The following DNM3 variants were observed in gnomAD, a reference collection of about 807,000 sequenced individuals.
DNM3 encodes the protein dynamin 3.
Under a neutral mutation model 101.6 loss-of-function variants are expected in DNM3, and 47 were observed. The observed-to-expected ratio is 0.46, with a 90% CI of 0.37 to 0.59. The LOEUF (loss-of-function observed/expected upper bound fraction) is 0.59, where lower values mean the gene tolerates loss of function less well. Among genes scored for constraint, DNM3 ranks in the 20% least tolerant of loss-of-function variants. The pLI is 0.00. For synonymous variants in DNM3, 385 were observed against 387.9 expected (o/e 0.99, Z 0.09); for missense variants, 849 against 1,085.7 (o/e 0.78, Z 3.06).
intron 10 of DNM3, among the ~76,000 whole-genome samples, chr1:172,051,380 A>G (rs548421826): frequency 6.6e-6 from 1 of 152,040 alleles, no homozygotes; most frequent in African/African-American, 2.4e-5. Context: ...TCCTCTCCAT[A>G]CCCAATTCAC....
intron 15 of DNM3, among the ~76,000 whole-genome samples, chr1:172,273,206 C>T (rs1266035339): frequency 6.6e-6 from 1 of 151,908 alleles, no homozygotes; most frequent in Admixed American, 6.6e-5. Flanking sequence ...TGCCTTCCTT[C>T]TAGGAGTCAG....
At chr1:172,370,871 A>G (rs2149036004) in intron 17 of DNM3, among the ~76,000 whole-genome samples, 2 of 152,034 alleles carry the variant, frequency 1.3e-5, no homozygotes, top group Middle Eastern at 6.8e-3. Flanking sequence ...ACTGTTAATT[A>G]TTTTCTTTGT....
intron 4 of DNM3, among the ~76,000 whole-genome samples, chr1:172,027,199 A>C (rs1416064354): frequency 1.3e-5 from 2 of 152,210 alleles, no homozygotes; most frequent in Non-Finnish European, 2.9e-5. Context: ...TTACAGGCAA[A>C]ATAGCCAGCT....
chr1:172,339,845 A>C (rs958366168), intron 17 of DNM3, among the ~76,000 whole-genome samples: 2 of 152,222 alleles, frequency 1.3e-5, no homozygotes, highest in African/African-American at 4.8e-5. Context: ...TAAGGAGCTC[A>C]CTATAGAACA....
chr1:172,222,753 T>TAGAA (rs1306935175), intron 14 of DNM3, among the ~76,000 whole-genome samples: 1 of 152,072 alleles, frequency 6.6e-6, no homozygotes, highest in Admixed American at 6.6e-5. Flanking sequence ...TTGAACTAAA[T>TAGAA]AGAACATTAA....
At chr1:171,918,933 A>C (rs1265244854) in intron 1 of DNM3, among the ~76,000 whole-genome samples, 1 of 152,226 alleles carries the variant, frequency 6.6e-6, no homozygotes, top group Non-Finnish European at 1.5e-5. Flanking sequence ...AGGTCTCAGC[A>C]TGAAGATATA....
At chr1:172,098,394 T>C (rs939563443) in intron 13 of DNM3, among the ~76,000 whole-genome samples, 6 of 152,152 alleles carry the variant, frequency 3.9e-5, no homozygotes, top group African/African-American at 1.2e-4. Flanking sequence ...GCAGTCAGAG[T>C]TTAAGGTTAT....
At position 171,880,675 on chromosome 1, in the gene DNM3, C is replaced by T. The variant is rs528595133; in HGVS notation, c.161+38858C>T. Among the ~76,000 whole-genome samples the T allele has an allele frequency of 5.3e-5, 8 of 152,128 alleles. No individual in the cohort carries two copies. The South Asian group carries it at 6.2e-4, about 12-fold the overall frequency. On this transcript the variant is annotated intron_variant, in intron 1 of 20. Transcript: ENST00000627582. Reference sequence around the variant, plus strand: ...TAGAAAACAATATGTAGAGTGTTTCCTGCAATATTTTCATGAAAAATATAT... The same window carrying T: ...TAGAAAACAATATGTAGAGTGTTTCTTGCAATATTTTCATGAAAAATATAT...
Position 172,410,688 on chromosome 1 carries a change from T to A in DNM3, c.*2847T>A, listed in dbSNP as rs945689745. Reference sequence around the variant, plus strand: ...CGTGTTTTATAACATAGACGAGCAGTAGGGTCTGTTTATTAGCAAATTTCC... The same window carrying A: ...CGTGTTTTATAACATAGACGAGCAGAAGGGTCTGTTTATTAGCAAATTTCC... On this transcript the variant is annotated 3_prime_UTR_variant, in exon 21 of 21. Coordinates refer to ENST00000627582, the MANE Select transcript of DNM3 (RefSeq NM_015569.5). 1 of 985,316 alleles carries A rather than the reference T, an allele frequency of 1.0e-6. No individual in the cohort carries two copies. Among genetic ancestry groups the A allele is most frequent in the Non-Finnish European group, 1.2e-6 (1 of 829,832 alleles). 61.0% of individuals were successfully genotyped at this position (985,316 alleles called of 1,614,324 possible).
At chr1:171,913,604 G>C (rs548332856) in intron 1 of DNM3, among the ~76,000 whole-genome samples, 2 of 152,316 alleles carry the variant, frequency 1.3e-5, no homozygotes, top group South Asian at 4.1e-4. Context: ...ATTGTGTTCA[G>C]GGTGTGGAAC....
intron 13 of DNM3, among the ~76,000 whole-genome samples, chr1:172,101,072 A>G (rs1159129016): frequency 1.3e-5 from 2 of 152,246 alleles, no homozygotes; most frequent in Admixed American, 6.5e-5. Flanking sequence ...TCACCAGAAC[A>G]CATGGGCTGC....
intron 2 of DNM3, among the ~76,000 whole-genome samples, chr1:171,923,945 T>C (rs2040367011): frequency 6.6e-6 from 1 of 152,176 alleles, no homozygotes; most frequent in East Asian, 1.9e-4. Flanking sequence ...TTTTATTTCC[T>C]ATTTCTGTTA....
chr1:171,878,336 A>C (rs2035960931), intron 1 of DNM3, among the ~76,000 whole-genome samples: 1 of 151,108 alleles, frequency 6.6e-6, no homozygotes, highest in South Asian at 2.1e-4. Flanking sequence ...TTAATAAGGT[A>C]CTTTGTACAA....
In DNM3 at chr1:171,841,622, G is replaced by T; in HGVS notation, c.-35G>T. 1.3e-6 allele frequency: 2 copies of T among 1,592,874 alleles called. No homozygotes were observed. Among genetic ancestry groups the T allele is most frequent in the South Asian group, 1.1e-5 (1 of 87,548 alleles). On this transcript the variant is annotated 5_prime_UTR_variant, in exon 1 of 21. Coordinates refer to ENST00000627582, the MANE Select transcript of DNM3 (RefSeq NM_015569.5). Reference sequence around the variant, plus strand: ...ACTCCCTGTCAGGTCGTAGAGGCGAGCAGGGACCAGCTGGTCGCCGGCCCC... The same window carrying T: ...ACTCCCTGTCAGGTCGTAGAGGCGATCAGGGACCAGCTGGTCGCCGGCCCC...
chr1:171,983,852 G>A (rs1445194998), intron 2 of DNM3, among the ~76,000 whole-genome samples: 2 of 152,096 alleles, frequency 1.3e-5, no homozygotes, highest in African/African-American at 4.8e-5. Flanking sequence ...CAGCTGTGTG[G>A]TCCTCAACCT....
intron 14 of DNM3, among the ~76,000 whole-genome samples, chr1:172,240,974 G>A (rs1484253441): frequency 6.9e-6 from 1 of 145,198 alleles, no homozygotes; most frequent in Non-Finnish European, 1.5e-5. Flanking sequence ...AACTGAAAAA[G>A]TATAAAACAC....
At chr1:172,380,152 G>T (rs980882914) in intron 18 of DNM3, among the ~76,000 whole-genome samples, 1 of 151,990 alleles carries the variant, frequency 6.6e-6, no homozygotes, top group Non-Finnish European at 1.5e-5. Context: ...TTGACCTAAG[G>T]TGAGTCTCTT....
intron 4 of DNM3, among the ~76,000 whole-genome samples, chr1:172,016,953 G>C (rs2047492402): frequency 6.6e-6 from 1 of 152,044 alleles, no homozygotes; most frequent in Non-Finnish European, 1.5e-5. Flanking sequence ...TCAAACTCCT[G>C]GGCTCAAGCA....
chr1:172,328,803 A>G (rs1467791256), intron 17 of DNM3, among the ~76,000 whole-genome samples: 1 of 152,174 alleles, frequency 6.6e-6, no homozygotes, highest in African/African-American at 2.4e-5. Flanking sequence ...AAAGTTAAAC[A>G]AAAAGAAAAC....
Sources: allele counts gnomAD v4.1 joint callset (sites outside exome capture counted in the v4.1 genomes callset), GRCh38; gene constraint gnomAD v4.1.1; transcripts MANE v1.5; gene names NCBI Gene and HGNC (gene_info 2026-07-23, HGNC 2026-07-21).